PLB1: variants seen among roughly 807,000 people sequenced by gnomAD.
PLB1 encodes phospholipase B1, also known as phospholipase B1, membrane-associated.
A neutral mutation model predicts 227.4 loss-of-function variants in PLB1; 242 were observed. The observed-to-expected ratio is 1.06, with a 90% CI of 0.96 to 1.18. The LOEUF is 1.18. Ranked by LOEUF, PLB1 falls within the 50% of genes most tolerant of loss-of-function variation. The pLI is 0.00. For missense variants in PLB1, 1,858 were observed against 1,816.3 expected (o/e 1.02, Z -0.42); for synonymous variants, 757 against 682.2 (o/e 1.11, Z -1.71).
At chr2:28,592,820 C>G in intron 32 of PLB1, 101 bp downstream of exon 32, 1 of 1,091,838 alleles carries the variant, frequency 9.2e-7, no homozygotes, top group Non-Finnish European at 1.3e-6. Flanking sequence ...TCTGCCTTAT[C>G]TTGCCCCTCT....
chr2:28,551,505 T>A (rs192331187), intron 16 of PLB1, among the ~76,000 whole-genome samples: 8 of 152,356 alleles, frequency 5.3e-5, no homozygotes, highest in African/African-American at 7.2e-5. Flanking sequence ...GCAGAGTTGA[T>A]GGCCTGGGCT....
rs998507674 is a variant in PLB1 at position 28,643,116 on chromosome 2, T to G, written c.*55T>G. On this transcript the variant is annotated 3_prime_UTR_variant, in exon 58 of 58. Transcript: ENST00000327757. Reference sequence around the variant, plus strand: ...CCTATAGCCACTCTCTTCACCGCCCTCTGCCCCAGCCACTCCCGGCCACCA... The same window carrying G: ...CCTATAGCCACTCTCTTCACCGCCCGCTGCCCCAGCCACTCCCGGCCACCA... The G allele has an allele frequency of 1.4e-6, 2 of 1,460,086 alleles. No individual in the cohort carries two copies. Among genetic ancestry groups the G allele is most frequent in the East Asian group, 2.5e-5 (1 of 40,248 alleles). The allele number at this position is 1,460,086 out of a possible 1,614,324, so 90.4% of individuals were successfully genotyped here. A position where few individuals can be genotyped will look rare whatever the true frequency, so the allele number is the denominator to read the frequency against.
chr2:28,520,948 C>T (rs1205887229), intron 4 of PLB1, among the ~76,000 whole-genome samples: 1 of 152,140 alleles, frequency 6.6e-6, no homozygotes, highest in East Asian at 1.9e-4. Context: ...GCACTCCGGC[C>T]TGGGAAACAA....
intron 1 of PLB1, among the ~76,000 whole-genome samples, chr2:28,504,917 T>C (rs934781507): frequency 6.6e-6 from 1 of 152,234 alleles, no homozygotes; most frequent in Admixed American, 6.5e-5. Flanking sequence ...TGCATGGTGC[T>C]CAGACTCCTT....
chr2:28,570,525 C>T (rs1677835895), intron 20 of PLB1, among the ~76,000 whole-genome samples: 2 of 152,182 alleles, frequency 1.3e-5, no homozygotes, highest in South Asian at 4.1e-4. Context: ...GTGGCTCACG[C>T]CTGTACTACC....
rs139909025 is a variant in PLB1 at position 28,601,306 on chromosome 2, G to A, written c.2581G>A (p.Asp861Asn). 1,580 of 1,614,032 alleles carry A rather than the reference G, an allele frequency of 9.8e-4. 7 individuals are homozygous for A. The highest frequency in any genetic ancestry group is 1.3e-3 in the Non-Finnish European group (1,491 of 1,179,948). ...CATCACAGTGCTGATCGGAGGCAGC[G>A]ATTTATGTGACTACTGCACAGATTC... ...KVITVLIGGS[D>N]LCDYCTDSNL... The change falls in exon 37 of 58, where the codon GAT becomes AAT. Residue 861 changes from aspartate to asparagine, a missense_variant. Coordinates refer to ENST00000327757, the MANE Select transcript of PLB1 (RefSeq NM_153021.5).
intron 56 of PLB1, among the ~76,000 whole-genome samples, chr2:28,638,201 G>A (rs11127185): frequency 0.14 from 21,422 of 151,626 alleles, 1,696 homozygotes; most frequent in Non-Finnish European, 0.18. Flanking sequence ...TTAAGAAAAA[G>A]TCAAGCAGAG....
chr2:28,589,389 A>G, intron 26 of PLB1, 61 bp from the exon 27 acceptor site: 2 of 1,280,676 alleles, frequency 1.6e-6, no homozygotes, highest in Non-Finnish European at 2.3e-6. Context: ...AAAGAGATCA[A>G]TCAAGGACCG....
At chr2:28,569,623 G>A (rs1051490557) in intron 20 of PLB1, among the ~76,000 whole-genome samples, 1 of 152,126 alleles carries the variant, frequency 6.6e-6, no homozygotes, top group Non-Finnish European at 1.5e-5. Context: ...GGATGAAATG[G>A]ACAAATTCCT....
chr2:28,619,519 G>GTTTTT (rs776491318), intron 46 of PLB1, among the ~76,000 whole-genome samples: 2 of 124,608 alleles, frequency 1.6e-5, no homozygotes, highest in African/African-American at 3.2e-5. Context: ...AAATTTCAAG[G>GTTTTT]TTTTGTTTTT....
intron 56 of PLB1, among the ~76,000 whole-genome samples, chr2:28,636,011 ATGTATGAATGTGTGTGTATGTG>A (rs1689272573): frequency 1.0e-5 from 1 of 98,516 alleles, no homozygotes. Context: ...ATGTGTATGT[ATGTATGAATGTGTGTGTATGTG>A]TGTGTGTGTA....
chr2:28,576,274 T>C (rs746521970), intron 21 of PLB1, among the ~76,000 whole-genome samples: 1 of 152,202 alleles, frequency 6.6e-6, no homozygotes, highest in Non-Finnish European at 1.5e-5. Context: ...TAGTCCAGCC[T>C]TGTGCCCTGC....
intron 14 of PLB1, among the ~76,000 whole-genome samples, chr2:28,547,775 A>G (rs1015642019): frequency 2.0e-5 from 3 of 152,202 alleles, no homozygotes; most frequent in Non-Finnish European, 2.9e-5. Context: ...AAAATCTGCA[A>G]TCCCTCCAAG....
At chr2:28,527,403 C>T (rs906286325) in intron 6 of PLB1, among the ~76,000 whole-genome samples, 1 of 152,192 alleles carries the variant, frequency 6.6e-6, no homozygotes. Flanking sequence ...GTGGCTGAGC[C>T]AGCAGGAGGA....
intron 49 of PLB1, among the ~76,000 whole-genome samples, chr2:28,623,089 C>G (rs997721417): frequency 6.6e-6 from 1 of 152,180 alleles, no homozygotes; most frequent in Non-Finnish European, 1.5e-5. Flanking sequence ...ACAGTATGAA[C>G]TGCACTGTCT....
chr2:28,547,172 A>G (rs1050759200), intron 14 of PLB1, among the ~76,000 whole-genome samples: 6 of 143,230 alleles, frequency 4.2e-5, no homozygotes, highest in Admixed American at 2.9e-4. Context: ...CTGCACTCCA[A>G]TCTGAGCAAT....
chr2:28,634,383 C>T (rs1689054576), intron 56 of PLB1, among the ~76,000 whole-genome samples: 1 of 152,144 alleles, frequency 6.6e-6, no homozygotes, highest in Admixed American at 6.5e-5. Context: ...AAAATCTTCC[C>T]AAAGAAAGGG....
intron 1 of PLB1, among the ~76,000 whole-genome samples, chr2:28,511,972 G>A (rs10865498): frequency 0.17 from 23,786 of 139,504 alleles, 2,171 homozygotes; most frequent in South Asian, 0.26. Context: ...TTTTTTTTTA[G>A]TAGAGATGAG....
At chr2:28,496,635 TAA>T (rs1454679962) in intron 1 of PLB1, among the ~76,000 whole-genome samples, 2 of 152,242 alleles carry the variant, frequency 1.3e-5, no homozygotes, top group African/African-American at 4.8e-5. Context: ...TGATAAATTC[TAA>T]AAGATTGCCT....
Sources: gnomAD v4.1 joint callset for allele counts (sites outside exome capture counted in the v4.1 genomes callset) on GRCh38, gnomAD v4.1.1 for gene constraint, MANE v1.5 for transcripts, NCBI Gene and HGNC (gene_info 2026-07-23, HGNC 2026-07-21) for gene names.